Variants in ACTL6A observed in about 807,000 individuals in gnomAD.
ACTL6A encodes actin-like protein 6A.
A neutral mutation model predicts 59.2 loss-of-function variants in ACTL6A; 5 were observed. The observed-to-expected ratio is 0.08, with a 90% CI of 0.04 to 0.18. ACTL6A has a LOEUF of 0.18. Ranked by LOEUF, ACTL6A falls within the 10% of genes least tolerant of loss-of-function variation. The pLI is 1.00. For missense variants in ACTL6A, 285 were observed against 526.9 expected (o/e 0.54, Z 4.49); for synonymous variants, 154 against 171.8 (o/e 0.90, Z 0.81).
chr3:179,573,454 C>T lies in ACTL6A; in HGVS notation c.363C>T (p.Leu121=). 1 of 1,571,630 alleles carries T rather than the reference C, an allele frequency of 6.4e-7. No homozygotes were observed. Among genetic ancestry groups the T allele is most frequent in the Non-Finnish European group, 8.6e-7 (1 of 1,164,580 alleles). ...CAGAAGCCAGTCTCCATCCTGTTCTCATGTCAGAGGCACCGGTGAGATAAA... is the reference window on the plus strand; with the variant it reads ...CAGAAGCCAGTCTCCATCCTGTTCTTATGTCAGAGGCACCGGTGAGATAAA... The part of the protein sequence containing the change: ...VKSEASLHPV[L]MSEAPWNTRA... Residue 121 remains leucine (L), a synonymous_variant, in exon 4 of 14, where the codon CTC becomes CTT. Coordinates refer to ENST00000429709, the MANE Select transcript of ACTL6A (RefSeq NM_004301.5).
At chr3:179,576,998 T>C (rs2108363562) in intron 8 of ACTL6A, 85 bp downstream of exon 8, 1 of 986,570 alleles carries the variant, frequency 1.0e-6, no homozygotes, top group Non-Finnish European at 1.5e-6. Context: ...CTGTAAATCC[T>C]TGAGTAAAAT....
chr3:179,580,797 T>G (rs1576856759), intron 9 of ACTL6A, 96 bp downstream of exon 9: 4 of 301,740 alleles, frequency 1.3e-5, no homozygotes, highest in Middle Eastern at 7.1e-4. Context: ...TCTCACTCCC[T>G]TTTTTTTTTT....
intron 12 of ACTL6A, 107 bp downstream of exon 12, chr3:179,583,555 G>C (rs909743137): frequency 1.6e-5 from 13 of 790,802 alleles, no homozygotes; most frequent in South Asian, 1.7e-5. Context: ...ATGATATTTT[G>C]TGTGTGCCTG....
At chr3:179,581,404 A>G (rs1417489302) in intron 11 of ACTL6A, among the ~76,000 whole-genome samples, 184 bp downstream of exon 11, 1 of 152,236 alleles carries the variant, frequency 6.6e-6, no homozygotes, top group Non-Finnish European at 1.5e-5. Flanking sequence ...CTCTAGAGCT[A>G]TGGTGTCCAG....
At chr3:179,563,297 TGCTCCTCGG>T (rs1415200374) in intron 1 of ACTL6A, 180 bp downstream of exon 1, 2 of 1,071,054 alleles carry the variant, frequency 1.9e-6, no homozygotes, top group Admixed American at 2.8e-5. Flanking sequence ...CGGCTCGCCG[TGCTCCTCGG>T]GCTCCCTGAA....
At chr3:179,574,035 T>G (rs1002373903) in intron 4 of ACTL6A, among the ~76,000 whole-genome samples, 7 of 152,276 alleles carry the variant, frequency 4.6e-5, no homozygotes, top group Middle Eastern at 3.4e-3. Flanking sequence ...AAATTCATAC[T>G]TAGGATTTGG....
chr3:179,587,457 A>G (rs1004773466), intron 13 of ACTL6A, among the ~76,000 whole-genome samples: 1 of 152,168 alleles, frequency 6.6e-6, no homozygotes, highest in South Asian at 2.1e-4. Flanking sequence ...CTTTTTAACC[A>G]TAAAGGCAAG....
intron 11 of ACTL6A, among the ~76,000 whole-genome samples, chr3:179,581,937 G>A (rs141354027): frequency 2.8e-3 from 422 of 152,318 alleles, no homozygotes; most frequent in Non-Finnish European, 4.3e-3. Context: ...GACATTAAAT[G>A]AGGACTTACT....
rs563330826 is a variant in ACTL6A, at chr3:179,585,329, C to T, written c.1123-1217C>T. On this transcript the variant is annotated intron_variant, in intron 12 of 13. Coordinates refer to ENST00000429709, the MANE Select transcript of ACTL6A (RefSeq NM_004301.5). ...GCTGGTCAGGCTGATCTCAAACTCC[C>T]GACCTCAGGTGATCCACCCGCCTCG... Among the ~76,000 whole-genome samples the T allele has an allele frequency of 1.8e-3, 276 of 152,140 alleles. 3 individuals are homozygous for T. Among genetic ancestry groups the T allele is most frequent in the African/African-American group, 6.3e-3 (260 of 41,524 alleles).
At chr3:179,572,879 T>G (rs1467203114) in intron 3 of ACTL6A, among the ~76,000 whole-genome samples, 2 of 152,216 alleles carry the variant, frequency 1.3e-5, no homozygotes, top group Non-Finnish European at 2.9e-5. Context: ...GAAGCCAAAT[T>G]GAAGACAGAT....
At chr3:179,564,530 T>G (rs1422766394) in intron 1 of ACTL6A, among the ~76,000 whole-genome samples, 1 of 152,158 alleles carries the variant, frequency 6.6e-6, no homozygotes, top group Non-Finnish European at 1.5e-5. Flanking sequence ...ATGGCCACTC[T>G]CCTACTTTGG....
At chr3:179,583,569 T>C (rs770267488) in intron 12 of ACTL6A, 121 bp downstream of exon 12, 22 of 677,734 alleles carry the variant, frequency 3.2e-5, no homozygotes, top group Non-Finnish European at 5.5e-5. Flanking sequence ...GTGCCTGGTA[T>C]AGTATCACTA....
In ACTL6A at chr3:179,588,118, C is replaced by T. The variant is rs1718568147; in HGVS notation, c.*108C>T. 1 of 813,610 alleles carries T rather than the reference C, an allele frequency of 1.2e-6. No individual in the cohort carries two copies. The highest frequency in any genetic ancestry group is 1.8e-5 in the African/African-American group (1 of 55,066). The allele number at this position is 813,610 out of a possible 1,614,324, so 50.4% of individuals were successfully genotyped here. A position where few individuals can be genotyped will look rare whatever the true frequency, so the allele number is the denominator to read the frequency against. On this transcript the variant is annotated 3_prime_UTR_variant, in exon 14 of 14. Coordinates refer to ENST00000429709, the MANE Select transcript of ACTL6A (RefSeq NM_004301.5). ...TTTGTAGAATGTTTATACATTTTTG[C>T]ATATTTCAATTTCCACTTAAATTTT... is the stretch of plus-strand genomic sequence containing the variant.
At chr3:179,580,068 C>T (rs2108366615) in intron 8 of ACTL6A, among the ~76,000 whole-genome samples, 1 of 152,312 alleles carries the variant, frequency 6.6e-6, no homozygotes, top group East Asian at 1.9e-4. Flanking sequence ...CCACTGCATC[C>T]AGCTCTGACA....
At chr3:179,563,149 C>T in intron 1 of ACTL6A, 32 bp downstream of exon 1, 1 of 1,604,742 alleles carries the variant, frequency 6.2e-7, no homozygotes, top group Non-Finnish European at 8.5e-7. Flanking sequence ...AGAGAGCGCG[C>T]CTTTTCGGCG....
At chr3:179,569,948 A>G (rs763705398) in intron 2 of ACTL6A, 48 bp downstream of exon 2, 34 of 1,586,326 alleles carry the variant, frequency 2.1e-5, no homozygotes, top group Non-Finnish European at 2.8e-5. Context: ...CATTCATGTA[A>G]ATTAAATTTA....
At chr3:179,585,122 G>A (rs936564623) in intron 12 of ACTL6A, among the ~76,000 whole-genome samples, 1 of 152,030 alleles carries the variant, frequency 6.6e-6, no homozygotes, top group African/African-American at 2.4e-5. Flanking sequence ...ATTTACTTGA[G>A]ATGGAGTCTT....
rs10650822 is a variant in ACTL6A at position 179,579,455 on chromosome 3, TAC to T, written c.769-1151_769-1150del. On this transcript the variant is annotated intron_variant, in intron 8 of 13. Transcript: ENST00000429709. The stretch of plus-strand genomic sequence containing the variant: ...TAAAAATTATTTTATTTATATCATA[TAC>T]ACACACACACACACACACACACACA... Among the ~76,000 whole-genome samples, 1,150 of 145,066 alleles carry T rather than the reference TAC, an allele frequency of 7.9e-3. 6 individuals carry two copies. Among genetic ancestry groups the T allele is most frequent in the Non-Finnish European group, 0.01 (696 of 66,562 alleles).
intron 8 of ACTL6A, among the ~76,000 whole-genome samples, chr3:179,579,451 C>CATAT (rs201684609): frequency 1.5e-5 from 2 of 137,494 alleles, no homozygotes; most frequent in Admixed American, 7.4e-5. Flanking sequence ...TTATTTATAT[C>CATAT]ATATACACAC....
Sources: allele counts gnomAD v4.1 joint callset (sites outside exome capture counted in the v4.1 genomes callset), GRCh38; gene constraint gnomAD v4.1.1; transcripts MANE v1.5; gene names NCBI Gene and HGNC (gene_info 2026-07-23, HGNC 2026-07-21).